Variants in PRDM16 observed in about 807,000 individuals in gnomAD.
PRDM16 encodes the protein histone-lysine N-methyltransferase PRDM16.
In PRDM16, 23 loss-of-function variants were observed where a neutral mutation model predicts 110.6. That is an observed-to-expected ratio of 0.21 (90% CI 0.15 to 0.29). The LOEUF is 0.29. Among genes scored for constraint, PRDM16 ranks in the 10% least tolerant of loss-of-function variants. PRDM16 has a pLI of 1.00. For missense variants in PRDM16, 1,615 were observed against 1,794.3 expected, an observed-to-expected ratio of 0.90 and a Z score of 1.81; for synonymous variants, 799 against 781.8, an observed-to-expected ratio of 1.02 and a Z score of -0.37.
rs539691834 is a variant in PRDM16, at chr1:3,225,910, T to C, written c.388-18177T>C. ...GGTGGCATGCTCCAATGCAAGGCCATCTTCTTTACCTCTGCAGGAACAAAT... is the reference window on the plus strand; with the variant it reads ...GGTGGCATGCTCCAATGCAAGGCCACCTTCTTTACCTCTGCAGGAACAAAT... On this transcript the variant is annotated intron_variant, in intron 2 of 16. Transcript: ENST00000270722. Among the ~76,000 whole-genome samples the C allele has an allele frequency of 5.9e-5, 9 of 152,342 alleles. No individual in the cohort carries two copies. In the South Asian group the frequency reaches 1.9e-3, roughly 32 times the overall value.
rs183556683 is a variant in PRDM16 at position 3,287,952 on chromosome 1, C to T, written c.438+43815C>T. On this transcript the variant is annotated intron_variant, in intron 3 of 16. Transcript: ENST00000270722. ...ACCCCGGCTGGGGCAGCTGCATGGC[C>T]GCATTTCACAGGGAGAGTGTAAACT... Among the ~76,000 whole-genome samples the T allele has an allele frequency of 6.0e-3, 915 of 152,376 alleles. 13 individuals are homozygous for T. Among genetic ancestry groups the T allele is most frequent in the African/African-American group, 0.021 (876 of 41,592 alleles).
In PRDM16 at chr1:3,437,665, C is replaced by T. The variant is rs1638945972; in HGVS notation, c.*3854C>T. The T allele has an allele frequency of 4.4e-6, 1 of 226,514 alleles. No individual in the cohort carries two copies. The highest frequency in any genetic ancestry group is 1.8e-4 in the South Asian group (1 of 5,460). 14.0% of individuals were successfully genotyped at this position (226,514 alleles called of 1,614,324 possible). On this transcript the variant is annotated 3_prime_UTR_variant, in exon 17 of 17. Transcript: ENST00000270722. ...TGACAAAACCATCCTTGCATTCTTC[C>T]TAGAAGAGTTCCTCTGCTCCTTCCA...
intron 3 of PRDM16, among the ~76,000 whole-genome samples, chr1:3,266,936 C>T (rs927427379): frequency 2.6e-5 from 4 of 152,222 alleles, no homozygotes; most frequent in Non-Finnish European, 5.9e-5. Context: ...CCTCGACTTC[C>T]GAAAGTGCTG....
In PRDM16 at chr1:3,370,582, G is replaced by A. The variant is rs1012869492; in HGVS notation, c.439-14570G>A. 6.6e-6 allele frequency among the ~76,000 whole-genome samples: 1 copy of A among 152,182 alleles called. No homozygotes were observed. The highest frequency in any genetic ancestry group is 1.5e-5 in the Non-Finnish European group (1 of 68,038). On this transcript the variant is annotated intron_variant, in intron 3 of 16. Coordinates refer to ENST00000270722, the MANE Select transcript of PRDM16 (RefSeq NM_022114.4). The surrounding 1 kb of genome is among the most constrained non-coding windows in gnomAD (Gnocchi z 4.8). ...TGCGACGTGATAGCCATGGCCCAGT[G>A]CAGTGTCCATGCTAAGAAGGGCAGG...
At chr1:3,137,170 C>T (rs940238699) in intron 1 of PRDM16, among the ~76,000 whole-genome samples, 10 of 152,236 alleles carry the variant, frequency 6.6e-5, no homozygotes, top group East Asian at 1.9e-4. Context: ...TGGCTGCCTC[C>T]GGCATCCCCT....
chr1:3,224,531 C>T (rs1639243057), intron 2 of PRDM16, among the ~76,000 whole-genome samples: 1 of 152,218 alleles, frequency 6.6e-6, no homozygotes, highest in Non-Finnish European at 1.5e-5. Flanking sequence ...CTCTCTCTCC[C>T]TCTCCCCTTC....
At chr1:3,275,852 C>T (rs1640570727) in intron 3 of PRDM16, among the ~76,000 whole-genome samples, 1 of 152,200 alleles carries the variant, frequency 6.6e-6, no homozygotes, top group African/African-American at 2.4e-5. Context: ...CCAGCCAGGC[C>T]CTAGTCTCTT....
intron 3 of PRDM16, among the ~76,000 whole-genome samples, chr1:3,291,923 G>A (rs780124881): frequency 8.5e-5 from 13 of 152,230 alleles, no homozygotes; most frequent in Non-Finnish European, 1.5e-4. Context: ...GGCCCCTCCT[G>A]GGCCTGTCTC....
At position 3,208,888 on chromosome 1, in the gene PRDM16, C is replaced by G. The variant is rs552886942; in HGVS notation, c.387+22414C>G. 1.3e-5 allele frequency among the ~76,000 whole-genome samples: 2 copies of G among 152,114 alleles called. No individual in the cohort carries two copies. The highest frequency in any genetic ancestry group is 2.1e-4 in the South Asian group (1 of 4,824). On this transcript the variant is annotated intron_variant, in intron 2 of 16. Coordinates refer to ENST00000270722, the MANE Select transcript of PRDM16 (RefSeq NM_022114.4). This position sits in a 1 kb window ranked among gnomAD's most constrained non-coding sequence, Gnocchi z 6.1. The stretch of plus-strand genomic sequence containing the variant: ...GTCCAGAGGCCCCCCCAGGTCCCCA[C>G]GAGTGGGTGGAAAGTCTTGGGGACA...
In PRDM16 at chr1:3,247,351, G is replaced by C. The variant is rs191532862; in HGVS notation, c.438+3214G>C. Among the ~76,000 whole-genome samples the C allele has an allele frequency of 1.5e-3, 233 of 152,360 alleles. 3 individuals are homozygous for C. The highest frequency in any genetic ancestry group is 5.3e-3 in the African/African-American group (221 of 41,590). The stretch of plus-strand genomic sequence containing the variant: ...ACGGTTAGGAATTCTAAGTATCAGA[G>C]AGTGAGGTTTCTGAAGAGGCTGGAT... On this transcript the variant is annotated intron_variant, in intron 3 of 16. Transcript: ENST00000270722.
chr1:3,373,007 C>T (rs1642930919), intron 3 of PRDM16, among the ~76,000 whole-genome samples: 1 of 152,160 alleles, frequency 6.6e-6, no homozygotes, highest in South Asian at 2.1e-4. Context: ...TCCAAATTGC[C>T]CAGATGTTGT....
rs1641303755 is a variant in PRDM16, at chr1:3,305,960, C to T, written c.438+61823C>T. 2.0e-5 allele frequency among the ~76,000 whole-genome samples: 3 copies of T among 152,258 alleles called. No homozygotes were observed. The South Asian group carries it at 6.2e-4, about 31-fold the overall frequency. ...GCCCCAGTGACACTCTCTGCATCCT[C>T]CTCAAGGTCACGTGCTGGGTACAGT... On this transcript the variant is annotated intron_variant, in intron 3 of 16. Coordinates refer to ENST00000270722, the MANE Select transcript of PRDM16 (RefSeq NM_022114.4).
intron 3 of PRDM16, among the ~76,000 whole-genome samples, chr1:3,368,291 C>T (rs987994803): frequency 2.2e-4 from 34 of 152,234 alleles, no homozygotes; most frequent in Non-Finnish European, 4.4e-5. Flanking sequence ...GGGCCAGGCT[C>T]CGACACCTCT....
At chr1:3,356,052 C>G (rs959289382) in intron 3 of PRDM16, among the ~76,000 whole-genome samples, 1 of 152,332 alleles carries the variant, frequency 6.6e-6, no homozygotes, top group African/African-American at 2.4e-5. Context: ...GACTTTGAAC[C>G]CAGTGCAGCT....
At position 3,403,001 on chromosome 1, in the gene PRDM16, G is replaced by T; in HGVS notation, c.884+3G>T. On this transcript the variant is annotated splice_donor_region_variant and intron_variant, in intron 6 of 16. Transcript: ENST00000270722. ...CGGATGTTCCCCAACAAGTACAGGT[G>T]CCACGCCCTCCTCTGAGTCTTCCTC... The T allele has an allele frequency of 6.3e-7, 1 of 1,592,214 alleles. No homozygotes were observed. Among genetic ancestry groups the T allele is most frequent in the Non-Finnish European group, 8.5e-7 (1 of 1,171,436 alleles).
intron 10 of PRDM16, among the ~76,000 whole-genome samples, chr1:3,415,645 G>A (rs191239423): frequency 1.1e-4 from 16 of 152,364 alleles, no homozygotes; most frequent in African/African-American, 2.9e-4. Flanking sequence ...ATATCTGATC[G>A]GGCGGAGCAA....
chr1:3,129,463 ATG>A lies in PRDM16; in HGVS notation c.38-56647_38-56646del, dbSNP rs149387082. On this transcript the variant is annotated intron_variant, in intron 1 of 16. Transcript: ENST00000270722. ...CTGGTGTGCATGTGTCTGTGTGTGC[ATG>A]TGTGTGTGTGTGTGGCCTGTGCACT... Among the ~76,000 whole-genome samples, 711 of 150,360 alleles carry A rather than the reference ATG, an allele frequency of 4.7e-3. 1 individual carries two copies. Among genetic ancestry groups the A allele is most frequent in the Non-Finnish European group, 7.3e-3 (493 of 67,352 alleles).
intron 1 of PRDM16, among the ~76,000 whole-genome samples, chr1:3,119,224 G>A (rs1011284920): frequency 6.6e-6 from 1 of 152,212 alleles, no homozygotes; most frequent in Non-Finnish European, 1.5e-5. Flanking sequence ...ACCCCACCCC[G>A]GCGGCCACAG....
chr1:3,249,836 A>C (rs1272497767), intron 3 of PRDM16, among the ~76,000 whole-genome samples: 1 of 152,236 alleles, frequency 6.6e-6, no homozygotes, highest in Admixed American at 6.5e-5. Context: ...AATTCAGTGA[A>C]TGAACATATA....
Sources: gnomAD v4.1 joint callset for allele counts (sites outside exome capture counted in the v4.1 genomes callset) on GRCh38, gnomAD v4.1.1 for gene constraint, Gnocchi (gnomAD v3.1) non-coding constraint, MANE v1.5 for transcripts, NCBI Gene and HGNC (gene_info 2026-07-23, HGNC 2026-07-21) for gene names.